PRDM16: variants seen among roughly 807,000 people sequenced by gnomAD.
The protein encoded by PRDM16 is histone-lysine N-methyltransferase PRDM16.
PRDM16 carries 23 observed loss-of-function variants against 110.6 expected under a neutral mutation model. That is an observed-to-expected ratio of 0.21 (90% confidence interval 0.15 to 0.29). The LOEUF is 0.29. PRDM16 is among the 10% of genes least tolerant of loss of function. PRDM16 has a pLI of 1.00. For synonymous variants in PRDM16, 799 were observed against 781.8 expected (o/e 1.02, Z -0.37); for missense variants, 1,615 against 1,794.3 (o/e 0.90, Z 1.81).
At position 3,433,745 on chromosome 1, in the gene PRDM16, C is replaced by T. The variant is rs371450521; in HGVS notation, c.3765C>T (p.Asp1255=). ...PLHTPSQGSL[D]AWLKVTGATS... Reference sequence around the variant, plus strand: ...ACACCCCCTCCCAGGGTTCTCTGGACGCTTGGTTGAAGGTCACTGGAGCCA... The same window carrying T: ...ACACCCCCTCCCAGGGTTCTCTGGATGCTTGGTTGAAGGTCACTGGAGCCA... Residue 1255 remains aspartate (D), a synonymous_variant, in exon 17 of 17, where the codon GAC becomes GAT. Transcript: ENST00000270722. The T allele has an allele frequency of 6.8e-6, 11 of 1,613,878 alleles. No homozygotes were observed. Among genetic ancestry groups the T allele is most frequent in the Non-Finnish European group, 8.5e-6 (10 of 1,179,928 alleles).
chr1:3,269,288 G>T (rs1640372401), intron 3 of PRDM16, among the ~76,000 whole-genome samples: 1 of 151,960 alleles, frequency 6.6e-6, no homozygotes, highest in African/African-American at 2.4e-5. Context: ...GAGAAGCGCA[G>T]CCCAGAGTAG....
rs570631594 is a variant in PRDM16 at position 3,412,753 on chromosome 1, G to A, written c.2556G>A (p.Pro852=). The A allele has an allele frequency of 4.4e-5, 66 of 1,500,360 alleles. No homozygotes were observed. Among genetic ancestry groups the A allele is most frequent in the Non-Finnish European group, 5.3e-5 (60 of 1,125,704 alleles). 92.9% of individuals were successfully genotyped at this position (1,500,360 alleles called of 1,614,324 possible). The change falls in exon 9 of 17, where the codon CCG becomes CCA. Residue 852 remains proline, a synonymous_variant. Coordinates refer to ENST00000270722, the MANE Select transcript of PRDM16 (RefSeq NM_022114.4). ...CGGCGCGGATGCCCCAGCAGCCCCC[G>A]CTCCACTACGCCAAGCCCTCGCCCT... The part of the protein sequence containing the change: ...VCPARMPQQP[P]LHYAKPSPFF...
At chr1:3,383,897 C>A (rs1643150632) in intron 3 of PRDM16, among the ~76,000 whole-genome samples, 1 of 150,404 alleles carries the variant, frequency 6.6e-6, no homozygotes, top group South Asian at 2.1e-4. Context: ...ACCTGCCCAC[C>A]AGGACACACC....
At chr1:3,247,723 G>A (rs993531236) in intron 3 of PRDM16, among the ~76,000 whole-genome samples, 1 of 150,996 alleles carries the variant, frequency 6.6e-6, no homozygotes, top group African/African-American at 2.4e-5. Flanking sequence ...GCTCGCCCTG[G>A]TGCCCTATGC....
At chr1:3,291,066 G>A (rs1359488210) in intron 3 of PRDM16, among the ~76,000 whole-genome samples, 1 of 151,912 alleles carries the variant, frequency 6.6e-6, no homozygotes, top group Non-Finnish European at 1.5e-5. Flanking sequence ...AGGCAGCACC[G>A]GCCCCACCCG....
At chr1:3,204,440 G>A (rs1638705971) in intron 2 of PRDM16, among the ~76,000 whole-genome samples, 1 of 152,230 alleles carries the variant, frequency 6.6e-6, no homozygotes, top group African/African-American at 2.4e-5. Context: ...ACAGTTTCTA[G>A]AGAGGGAACC....
At chr1:3,351,428 A>T (rs1642478713) in intron 3 of PRDM16, among the ~76,000 whole-genome samples, 1 of 148,538 alleles carries the variant, frequency 6.7e-6, no homozygotes, top group African/African-American at 2.5e-5. Context: ...ATAGGAACGC[A>T]GAGGGAGCAG....
intron 1 of PRDM16, among the ~76,000 whole-genome samples, chr1:3,123,980 G>A (rs762165996): frequency 3.3e-5 from 5 of 152,242 alleles, no homozygotes; most frequent in East Asian, 1.9e-4. Context: ...ACCCCACGCC[G>A]TATGGTGGGC....
At chr1:3,075,456 C>T (rs1641875746) in intron 1 of PRDM16, among the ~76,000 whole-genome samples, 1 of 152,204 alleles carries the variant, frequency 6.6e-6, no homozygotes, top group African/African-American at 2.4e-5. Context: ...TACAATGCGG[C>T]CTACTGGAAA....
At chr1:3,181,552 G>GTCTTACACACGGTCTTACA (rs755533699) in intron 1 of PRDM16, among the ~76,000 whole-genome samples, 1 of 27,432 alleles carries the variant, frequency 3.6e-5, no homozygotes, top group Non-Finnish European at 7.8e-5. Context: ...TCTTACACAC[G>GTCTTACACACGGTCTTACA]CAGTCTTACA....
chr1:3,184,933 C>G (rs925655746), intron 1 of PRDM16, among the ~76,000 whole-genome samples: 1 of 152,208 alleles, frequency 6.6e-6, no homozygotes, highest in Admixed American at 6.5e-5. Flanking sequence ...CATCGGCTTC[C>G]TACGCCGAGT....
chr1:3,125,150 G>A (rs867828978), intron 1 of PRDM16, among the ~76,000 whole-genome samples: 7 of 152,394 alleles, frequency 4.6e-5, no homozygotes, highest in Non-Finnish European at 7.3e-5. Context: ...ACCAGCCAAA[G>A]GCTGACCATG....
intron 1 of PRDM16, among the ~76,000 whole-genome samples, chr1:3,086,968 G>A (rs11801109): frequency 0.17 from 26,439 of 152,002 alleles, 2,428 homozygotes; most frequent in Middle Eastern, 0.23. Flanking sequence ...AAGAAAAGAA[G>A]GAGTGAAAAG....
chr1:3,403,937 G>A (rs929645904), intron 6 of PRDM16, among the ~76,000 whole-genome samples: 3 of 152,190 alleles, frequency 2.0e-5, no homozygotes, highest in African/African-American at 4.8e-5. Flanking sequence ...GAAAATAAAC[G>A]TTTGGGCAAA....
intron 1 of PRDM16, among the ~76,000 whole-genome samples, chr1:3,176,152 T>TATCC (rs145743378): frequency 0.16 from 14,902 of 90,720 alleles, 476 homozygotes; most frequent in Non-Finnish European, 0.23. Flanking sequence ...CTCATTCATC[T>TATCC]ATCCATCCAT....
At chr1:3,147,383 T>C (rs1326029456) in intron 1 of PRDM16, among the ~76,000 whole-genome samples, 2 of 152,174 alleles carry the variant, frequency 1.3e-5, no homozygotes, top group Admixed American at 1.3e-4. Flanking sequence ...TGGCAAATCA[T>C]CCTCAGGCAG....
intron 3 of PRDM16, among the ~76,000 whole-genome samples, chr1:3,352,560 C>T (rs1642515616): frequency 6.6e-6 from 1 of 152,204 alleles, no homozygotes; most frequent in Admixed American, 6.5e-5. Flanking sequence ...GATTAAGCCT[C>T]AAGGCCTCCT....
chr1:3,121,277 G>A (rs139557725), intron 1 of PRDM16, among the ~76,000 whole-genome samples: 185 of 152,302 alleles, frequency 1.2e-3, no homozygotes, highest in African/African-American at 3.9e-3. Context: ...CGGTGCCTCC[G>A]GTCCTAGCAA....
intron 2 of PRDM16, among the ~76,000 whole-genome samples, chr1:3,188,545 T>C (rs1309655165): frequency 6.6e-6 from 1 of 152,206 alleles, no homozygotes; most frequent in Non-Finnish European, 1.5e-5. Context: ...TGCGGAGGGC[T>C]TTGTTCCACG....
Sources: allele counts gnomAD v4.1 joint callset (sites outside exome capture counted in the v4.1 genomes callset), GRCh38; gene constraint gnomAD v4.1.1; transcripts MANE v1.5; gene names NCBI Gene and HGNC (gene_info 2026-07-23, HGNC 2026-07-21).